The following ASPSCR1 variants were observed in gnomAD, a reference collection of about 807,000 sequenced individuals.
ASPSCR1 encodes the protein tether containing UBX domain for GLUT4.
A neutral mutation model predicts 68.9 loss-of-function variants in ASPSCR1; 55 were observed. That is an observed-to-expected ratio of 0.80 (90% CI 0.64 to 1.00). The LOEUF (loss-of-function observed/expected upper bound fraction) is 1.00. Among genes scored for constraint, ASPSCR1 ranks in the 50% least tolerant of loss-of-function variants. ASPSCR1 has a pLI of 0.00. For synonymous variants in ASPSCR1, 352 were observed against 332.6 expected, an observed-to-expected ratio of 1.06 and a Z score of -0.63; for missense variants, 765 against 762.2, an observed-to-expected ratio of 1.00 and a Z score of -0.04.
Position 81,999,570 on chromosome 17 carries a change from T to C in ASPSCR1, c.933+2724T>C, listed in dbSNP as rs1346955672. Among the ~76,000 whole-genome samples, 8 of 146,618 alleles carry C rather than the reference T, an allele frequency of 5.5e-5. No homozygotes were observed. The East Asian group carries it at 1.6e-3, about 29-fold the overall frequency. ...TGAACCCGGGAGGCGGAGGTTGCAG[T>C]GAGCCGAGATCGTGCCACTGCACTC... On this transcript the variant is annotated intron_variant, in intron 7 of 15. Transcript: ENST00000306739. The surrounding 1 kb of genome is among the most constrained non-coding windows in gnomAD (Gnocchi z 4.4).
chr17:81,978,355 T>C (rs1007884377), intron 1 of ASPSCR1: 5 of 151,944 alleles, frequency 3.3e-5, no homozygotes, highest in African/African-American at 1.2e-4. Flanking sequence ...ACCCCGTCTG[T>C]ACTAAAAAAA....
chr17:81,981,528 G>A (rs1225928096), intron 2 of ASPSCR1, among the ~76,000 whole-genome samples: 2 of 152,082 alleles, frequency 1.3e-5, no homozygotes, highest in Non-Finnish European at 2.9e-5. Context: ...ACAGGCGTGC[G>A]CCATCATGCC....
At chr17:82,012,860 T>C in intron 12 of ASPSCR1, 1 of 158,284 alleles carries the variant, frequency 6.3e-6, no homozygotes, top group Non-Finnish European at 1.4e-5. Flanking sequence ...TTCCCAGCCC[T>C]GCTGGGCCGC....
At chr17:82,011,755 G>C (rs2144095673) in intron 11 of ASPSCR1, 150 bp downstream of exon 11, 1 of 876,286 alleles carries the variant, frequency 1.1e-6, no homozygotes, top group East Asian at 2.7e-5. Flanking sequence ...TGCAGCCCAT[G>C]GTGTCTGTGT....
At chr17:82,006,427 C>T (rs996358153) in intron 7 of ASPSCR1, 13 of 152,164 alleles carry the variant, frequency 8.5e-5, no homozygotes, top group African/African-American at 1.4e-4. Context: ...TGAATGCAGC[C>T]GAATGATCAC....
chr17:81,980,783 G>T (rs932237717), intron 2 of ASPSCR1, among the ~76,000 whole-genome samples: 3 of 152,228 alleles, frequency 2.0e-5, no homozygotes, highest in African/African-American at 7.2e-5. Flanking sequence ...TGTGCACACA[G>T]TTGAGCTTCC....
intron 7 of ASPSCR1, among the ~76,000 whole-genome samples, chr17:81,998,583 T>C (rs554570057): frequency 2.9e-4 from 44 of 152,340 alleles, no homozygotes; most frequent in African/African-American, 1.0e-3. Context: ...TTCCTAACTT[T>C]CTGACATTTA....
chr17:81,994,126 C>A (rs1003825508), intron 4 of ASPSCR1, among the ~76,000 whole-genome samples: 1 of 152,254 alleles, frequency 6.6e-6, no homozygotes, highest in African/African-American at 2.4e-5. Flanking sequence ...TGCCCGTCTC[C>A]CGGGCTGCCA....
rs2042452380 is a variant in ASPSCR1, at chr17:81,999,293, A to T, written c.933+2447A>T. ...GCTCCTGCTGACGTAGTGGGCCTGG[A>T]AGGCCCCCATGCCTCCATCTCCTGT... On this transcript the variant is annotated intron_variant, in intron 7 of 15. Coordinates refer to ENST00000306739, the MANE Select transcript of ASPSCR1 (RefSeq NM_024083.4). This position sits in a 1 kb window ranked among gnomAD's most constrained non-coding sequence, Gnocchi z 4.4. 6.6e-6 allele frequency among the ~76,000 whole-genome samples: 1 copy of T among 152,176 alleles called. No individual in the cohort carries two copies. Among genetic ancestry groups the T allele is most frequent in the Admixed American group, 6.5e-5 (1 of 15,286 alleles).
intron 10 of ASPSCR1, 108 bp from the exon 11 acceptor site, chr17:82,011,435 C>G: frequency 9.3e-7 from 1 of 1,074,454 alleles, no homozygotes; most frequent in Non-Finnish European, 1.3e-6. Context: ...TGAATTCCCA[C>G]CCCTCGGGGA....
chr17:81,979,941 C>T (rs751751044), intron 2 of ASPSCR1, among the ~76,000 whole-genome samples: 3 of 152,148 alleles, frequency 2.0e-5, no homozygotes, highest in East Asian at 1.9e-4. Context: ...ATCCCACACG[C>T]GAAGCTTTTC....
chr17:81,985,136 A>G (rs2041950879), intron 3 of ASPSCR1, among the ~76,000 whole-genome samples: 1 of 139,910 alleles, frequency 7.1e-6, no homozygotes, highest in Admixed American at 7.2e-5. Context: ...ATGCACACAC[A>G]CGCACATCTG....
At position 81,996,702 on chromosome 17, in the gene ASPSCR1, ATCATCT is replaced by A; in HGVS notation, c.793_798del (p.Ser265_Ser266del). Reference sequence around the variant, plus strand: ...CTCCTGGGCCCACGAGGCCTCTGACATCATCTTCAGCTAAGTTGCCGAAGTCCCTCT... The same window carrying A: ...CTCCTGGGCCCACGAGGCCTCTGACATCAGCTAAGTTGCCGAAGTCCCTCT... On this transcript the variant is annotated inframe_deletion, in exon 7 of 16. Coordinates refer to ENST00000306739, the MANE Select transcript of ASPSCR1 (RefSeq NM_024083.4). 1 of 1,613,562 alleles carries A rather than the reference ATCATCT, an allele frequency of 6.2e-7. No homozygotes were observed.
intron 4 of ASPSCR1, among the ~76,000 whole-genome samples, chr17:81,994,435 C>T (rs1402242144): frequency 1.3e-5 from 2 of 152,228 alleles, no homozygotes; most frequent in Non-Finnish European, 2.9e-5. Context: ...GGTACCCTGA[C>T]TCTCAGGCTC....
chr17:82,009,145 A>T lies in ASPSCR1; in HGVS notation c.1042A>T (p.Thr348Ser). The part of the protein sequence containing the change: ...AELPDEFFEL[T>S]VDDVRRRLAQ... The stretch of plus-strand genomic sequence containing the variant: ...GCTGCCTGATGAGTTCTTTGAGCTG[A>T]CGGTGGACGACGTGAGAAGACGCTT... Residue 348 changes from threonine (T) to serine (S), a missense_variant, in exon 8 of 16, where the codon ACG (threonine) becomes TCG (serine). Physicochemically the swap from Thr to Ser is moderately conservative, Grantham distance 58. Transcript: ENST00000306739. The T allele has an allele frequency of 1.2e-6, 2 of 1,610,148 alleles. No individual in the cohort carries two copies. Among genetic ancestry groups the T allele is most frequent in the Non-Finnish European group, 1.7e-6 (2 of 1,178,646 alleles).
At position 81,983,480 on chromosome 17, in the gene ASPSCR1, G is replaced by T. The variant is rs139291803; in HGVS notation, c.159-74G>T. 1.4e-5 allele frequency: 17 copies of T among 1,211,518 alleles called. No homozygotes were observed. Among genetic ancestry groups the T allele is most frequent in the African/African-American group, 1.3e-4 (8 of 63,524 alleles). The allele number at this position is 1,211,518 out of a possible 1,614,324, so 75.0% of individuals were successfully genotyped here. ...ATGGCGGGGCGTGGATGGTGGGACG[G>T]GGATGGCGGGGCGTGGATGGCAGGG... On this transcript the variant is annotated intron_variant, in intron 2 of 15. Coordinates refer to ENST00000306739, the MANE Select transcript of ASPSCR1 (RefSeq NM_024083.4). This position sits in a 1 kb window ranked among gnomAD's most constrained non-coding sequence, Gnocchi z 4.4.
intron 2 of ASPSCR1, among the ~76,000 whole-genome samples, chr17:81,982,030 G>A (rs943062871): frequency 6.6e-6 from 1 of 151,152 alleles, no homozygotes; most frequent in Non-Finnish European, 1.5e-5. Flanking sequence ...GTGCAATGGC[G>A]CGATCTTGGC....
At chr17:82,008,707 C>A (rs1445349868) in intron 7 of ASPSCR1, 2 of 270,070 alleles carry the variant, frequency 7.4e-6, no homozygotes, top group South Asian at 1.5e-4. Flanking sequence ...CGCCACCCCT[C>A]CCCCCCATGG....
At chr17:81,994,732 T>G (rs1055781597) in intron 4 of ASPSCR1, 89 bp from the exon 5 acceptor site, 25 of 1,405,568 alleles carry the variant, frequency 1.8e-5, no homozygotes, top group Non-Finnish European at 2.3e-5. Flanking sequence ...GCCCCACACC[T>G]TTGCTTTCCG....
Sources: allele counts gnomAD v4.1 joint callset (sites outside exome capture counted in the v4.1 genomes callset), GRCh38; gene constraint gnomAD v4.1.1; non-coding constraint Gnocchi (gnomAD v3.1); transcripts MANE v1.5; gene names NCBI Gene and HGNC (gene_info 2026-07-23, HGNC 2026-07-21).